The following TUT7 variants were observed in gnomAD, a reference collection of about 807,000 sequenced individuals.
TUT7 encodes terminal uridylyltransferase 7.
Under a neutral mutation model 165.9 loss-of-function variants are expected in TUT7, and 33 were observed. The observed-to-expected ratio is 0.20, with a 90% CI of 0.15 to 0.27. The LOEUF is 0.27. Among genes scored for constraint, TUT7 ranks in the 10% least tolerant of loss-of-function variants. The pLI is 1.00. For missense variants in TUT7, 1,338 were observed against 1,762.3 expected (o/e 0.76, Z 4.31); for synonymous variants, 552 against 608.1 (o/e 0.91, Z 1.36).
intron 17 of TUT7, among the ~76,000 whole-genome samples, chr9:86,312,500 T>G (rs1282410150): frequency 7.1e-6 from 1 of 141,558 alleles, no homozygotes; most frequent in Non-Finnish European, 1.5e-5. Flanking sequence ...GGGGGGTCAG[T>G]CCCCCGCCCG....
intron 24 of TUT7, among the ~76,000 whole-genome samples, chr9:86,303,605 G>T (rs1827156564): frequency 6.6e-6 from 1 of 152,046 alleles, no homozygotes; most frequent in Non-Finnish European, 1.5e-5. Context: ...AGATTATATT[G>T]AAGAAAAGAA....
Position 86,311,910 on chromosome 9 carries a change from G to A in TUT7, c.3275-1101C>T, listed in dbSNP as rs1302188577. Among the ~76,000 whole-genome samples, 2 of 152,200 alleles carry A rather than the reference G, an allele frequency of 1.3e-5. No individual in the cohort carries two copies. Among genetic ancestry groups the A allele is most frequent in the East Asian group, 1.9e-4 (1 of 5,176 alleles). On this transcript the variant is annotated intron_variant, in intron 17 of 26. Transcript: ENST00000375963. The surrounding 1 kb of genome is among the most constrained non-coding windows in gnomAD (Gnocchi z 4.4). ...GTGCCGGGATTGCAGACGGAGTCTC[G>A]TTCACTCAGTGCTCAATGGTGCCCA...
At chr9:86,352,402 T>C (rs1250091322) in intron 2 of TUT7, among the ~76,000 whole-genome samples, 5 of 152,222 alleles carry the variant, frequency 3.3e-5, no homozygotes, top group Non-Finnish European at 5.9e-5. Context: ...AGCTACCCTC[T>C]TCTGTAAAAA....
At chr9:86,348,705 T>C (rs917920292) in intron 2 of TUT7, among the ~76,000 whole-genome samples, 2 of 152,078 alleles carry the variant, frequency 1.3e-5, no homozygotes, top group Non-Finnish European at 2.9e-5. Flanking sequence ...TGAGTCATGA[T>C]TGCGCCATTG....
chr9:86,312,235 C>T (rs1217544442), intron 17 of TUT7, among the ~76,000 whole-genome samples: 1 of 151,916 alleles, frequency 6.6e-6, no homozygotes, highest in Non-Finnish European at 1.5e-5. Flanking sequence ...GCCCGGCCAC[C>T]CATCGTCTGA....
At chr9:86,317,414 G>T in intron 16 of TUT7, 138 bp from the exon 17 acceptor site, 1 of 690,984 alleles carries the variant, frequency 1.4e-6, no homozygotes, top group Non-Finnish European at 2.5e-6. Context: ...TTCTAGTTGG[G>T]TATTAGAGTC....
At chr9:86,347,498 A>G (rs1228801776) in intron 2 of TUT7, among the ~76,000 whole-genome samples, 1 of 152,188 alleles carries the variant, frequency 6.6e-6, no homozygotes, top group African/African-American at 2.4e-5. Flanking sequence ...GGAACTCATT[A>G]CTACTAGTAT....
At chr9:86,300,334 G>T (rs1826762217) in intron 26 of TUT7, among the ~76,000 whole-genome samples, 1 of 152,058 alleles carries the variant, frequency 6.6e-6, no homozygotes, top group Admixed American at 6.5e-5. Context: ...CTTGTTCCAA[G>T]AACTATACAC....
rs1042212407 is a variant in TUT7 at position 86,322,772 on chromosome 9, C to T, written c.2877+101G>A. On this transcript the variant is annotated intron_variant, in intron 13 of 26. Transcript: ENST00000375963. ...GAATGAAAGGCCAACTTGTTCAACA[C>T]TACCAAAATAGGAAAATTCCTAGTA... 7 of 1,351,950 alleles carry T rather than the reference C, an allele frequency of 5.2e-6. No individual in the cohort carries two copies. The African/African-American group carries it at 5.9e-5, about 11-fold the overall frequency. 83.7% of individuals were successfully genotyped at this position (1,351,950 alleles called of 1,614,324 possible). A position where few individuals can be genotyped will look rare whatever the true frequency, so the allele number is the denominator to read the frequency against.
At chr9:86,331,771 T>C (rs1830336054) in intron 10 of TUT7, among the ~76,000 whole-genome samples, 1 of 152,226 alleles carries the variant, frequency 6.6e-6, no homozygotes, top group Admixed American at 6.5e-5. Flanking sequence ...GAAGGGGATC[T>C]AGTTAAACTG....
chr9:86,304,708 G>T lies in TUT7; in HGVS notation c.3978+148C>A. ...CTACCCGGGGATGTTTAAGAAAAAG[G>T]GGGGCTCTGGGAATCATTCTGTACA... On this transcript the variant is annotated intron_variant, in intron 24 of 26. Coordinates refer to ENST00000375963, the MANE Select transcript of TUT7 (RefSeq NM_024617.4). The T allele has an allele frequency of 9.8e-6, 5 of 510,776 alleles. No individual in the cohort carries two copies. In the South Asian group the frequency reaches 1.4e-4, roughly 14 times the overall value. The allele number at this position is 510,776 out of a possible 1,614,324, so 31.6% of individuals were successfully genotyped here.
At chr9:86,289,358 A>G (rs997692871) in intron 26 of TUT7, among the ~76,000 whole-genome samples, 3 of 152,208 alleles carry the variant, frequency 2.0e-5, no homozygotes, top group African/African-American at 4.8e-5. Context: ...ATTATATGTA[A>G]CAAAGTAATA....
intron 14 of TUT7, among the ~76,000 whole-genome samples, chr9:86,320,906 G>C (rs1480528171): frequency 6.6e-6 from 1 of 152,126 alleles, no homozygotes; most frequent in Non-Finnish European, 1.5e-5. Context: ...AACAGGCCAT[G>C]CATTTTTGTA....
intron 2 of TUT7, among the ~76,000 whole-genome samples, chr9:86,351,002 T>G (rs1235441302): frequency 6.6e-6 from 1 of 151,518 alleles, no homozygotes; most frequent in Non-Finnish European, 1.5e-5. Context: ...GGCATGGTGG[T>G]GTGCACCTGT....
At chr9:86,325,916 G>C (rs532968792) in intron 11 of TUT7, among the ~76,000 whole-genome samples, 1 of 152,148 alleles carries the variant, frequency 6.6e-6, no homozygotes, top group Admixed American at 6.5e-5. Context: ...ATGGACAGTA[G>C]CTAAAGGCAT....
At chr9:86,325,039 T>C (rs1418852553) in intron 12 of TUT7, among the ~76,000 whole-genome samples, 1 of 152,178 alleles carries the variant, frequency 6.6e-6, no homozygotes, top group African/African-American at 2.4e-5. Context: ...GATTTACACA[T>C]CACTGTGAAA....
chr9:86,325,597 T>TA (rs1365164802), intron 11 of TUT7, 83 bp from the exon 12 acceptor site: 1 of 1,329,414 alleles, frequency 7.5e-7, no homozygotes, highest in South Asian at 1.5e-5. Flanking sequence ...AGCATCAAAT[T>TA]AAAAAAATCT....
chr9:86,308,379 T>C (rs752747781), intron 22 of TUT7, 50 bp downstream of exon 22: 2 of 1,507,106 alleles, frequency 1.3e-6, no homozygotes, highest in Non-Finnish European at 1.8e-6. Flanking sequence ...AATGTCCTTA[T>C]AGTTCAAGCT....
intron 24 of TUT7, among the ~76,000 whole-genome samples, chr9:86,304,515 A>T (rs1427643590): frequency 3.3e-5 from 5 of 152,218 alleles, no homozygotes; most frequent in Non-Finnish European, 7.3e-5. Flanking sequence ...AGATATGTAC[A>T]AACTGGGCTT....
Sources: allele counts gnomAD v4.1 joint callset (sites outside exome capture counted in the v4.1 genomes callset), GRCh38; gene constraint gnomAD v4.1.1; non-coding constraint Gnocchi (gnomAD v3.1); transcripts MANE v1.5; gene names NCBI Gene and HGNC (gene_info 2026-07-23, HGNC 2026-07-21).